The following FLI1 variants were observed in gnomAD, a reference collection of about 807,000 sequenced individuals.
FLI1 encodes Fli-1 proto-oncogene, ETS transcription factor, also known as Friend leukemia integration 1 transcription factor.
FLI1 carries 13 observed loss-of-function variants against 53.1 expected under a neutral mutation model. The observed-to-expected ratio is 0.24, with a 90% CI of 0.16 to 0.39. FLI1 has a LOEUF of 0.39. Ranked by LOEUF, FLI1 falls within the 10% of genes least tolerant of loss-of-function variation. FLI1 has a pLI of 1.00. For missense variants in FLI1, 424 were observed against 600.5 expected (o/e 0.71, Z 3.07); for synonymous variants, 244 against 236.7 (o/e 1.03, Z -0.28).
intron 5 of FLI1, among the ~76,000 whole-genome samples, chr11:128,797,133 G>A (rs3824899): frequency 0.1 from 15,397 of 152,232 alleles, 933 homozygotes; most frequent in East Asian, 0.26. Flanking sequence ...GGGATTTTAC[G>A]TTTCTTGATT....
At chr11:128,786,470 C>T (rs1249410853) in intron 5 of FLI1, among the ~76,000 whole-genome samples, 3 of 152,196 alleles carry the variant, frequency 2.0e-5, no homozygotes, top group Non-Finnish European at 4.4e-5. Flanking sequence ...TGTCCTCATT[C>T]AGTCCTCTAA....
At chr11:128,759,943 C>A (rs1164045055) in intron 2 of FLI1, among the ~76,000 whole-genome samples, 4 of 152,162 alleles carry the variant, frequency 2.6e-5, no homozygotes, top group African/African-American at 9.7e-5. Context: ...TCCTCCAGAG[C>A]AGCTCATGGC....
At chr11:128,707,576 C>G (rs648566) in intron 1 of FLI1, among the ~76,000 whole-genome samples, 62,791 of 151,990 alleles carry the variant, frequency 0.41, 13,153 homozygotes, top group Admixed American at 0.46. Flanking sequence ...TAAGCCATTC[C>G]TTTTGGAGAC....
chr11:128,732,224 A>T (rs1362196843), intron 1 of FLI1, among the ~76,000 whole-genome samples: 1 of 152,210 alleles, frequency 6.6e-6, no homozygotes, highest in Non-Finnish European at 1.5e-5. Flanking sequence ...TCAGCCAATC[A>T]GTACCAGATT....
At chr11:128,686,500 G>T (rs958444185), upstream of FLI1, 22 of 456,462 alleles carry the variant, frequency 4.8e-5, no homozygotes, top group Admixed American at 1.6e-4. Context: ...ACCCTCCCTC[G>T]CCGGACTAGG....
chr11:128,699,884 C>A (rs890583455), intron 1 of FLI1, among the ~76,000 whole-genome samples: 12 of 152,138 alleles, frequency 7.9e-5, no homozygotes, highest in African/African-American at 2.9e-4. Flanking sequence ...ATTGGTGGTA[C>A]CTCAGTCTCA....
intron 2 of FLI1, chr11:128,764,740 C>T (rs372275482): frequency 1.1e-4 from 175 of 1,578,210 alleles, no homozygotes; most frequent in Non-Finnish European, 1.3e-4. Flanking sequence ...CATGGCCGCA[C>T]GCAGGGCTTG....
At chr11:128,696,751 G>A (rs1401480943) in intron 1 of FLI1, among the ~76,000 whole-genome samples, 1 of 152,166 alleles carries the variant, frequency 6.6e-6, no homozygotes, top group Non-Finnish European at 1.5e-5. Flanking sequence ...AATCAGGTTT[G>A]AGTGATTCTA....
In FLI1 at chr11:128,810,943, C is replaced by T. The variant is rs2135926101; in HGVS notation, c.1314C>T (p.Arg438=). 6.2e-7 allele frequency: 1 copy of T among 1,614,040 alleles called. No homozygotes were observed. Among genetic ancestry groups the T allele is most frequent in the Admixed American group, 1.7e-5 (1 of 60,032 alleles). The change falls in exon 9 of 9, where the codon CGC becomes CGT. Residue 438 remains arginine, a synonymous_variant. Transcript: ENST00000527786. This position sits in a 1 kb window ranked among gnomAD's most constrained non-coding sequence, Gnocchi z 6.6. ...TCTACCCCAACCCCAACGTCCCCCGCCATCCTAACACCCACGTGCCTTCAC... is the reference window on the plus strand; with the variant it reads ...TCTACCCCAACCCCAACGTCCCCCGTCATCCTAACACCCACGTGCCTTCAC... ...GGIYPNPNVP[R]HPNTHVPSHL...
intron 1 of FLI1, among the ~76,000 whole-genome samples, chr11:128,697,268 T>TTAGTG (rs1938119429): frequency 6.6e-6 from 1 of 152,230 alleles, no homozygotes; most frequent in African/African-American, 2.4e-5. Context: ...AATGCCTGAC[T>TTAGTG]CAGTGCACGT....
At chr11:128,754,277 G>A (rs938887050) in intron 1 of FLI1, among the ~76,000 whole-genome samples, 1 of 142,746 alleles carries the variant, frequency 7.0e-6, no homozygotes, top group African/African-American at 2.6e-5. Context: ...GTGTGTGTGT[G>A]CACATATGCA....
intron 3 of FLI1, among the ~76,000 whole-genome samples, chr11:128,771,191 C>T (rs1038006604): frequency 1.9e-4 from 29 of 152,218 alleles, no homozygotes; most frequent in Non-Finnish European, 3.7e-4. Context: ...ACATAGCACC[C>T]ACCATCTGAG....
chr11:128,698,097 G>C (rs1487276909), intron 1 of FLI1, among the ~76,000 whole-genome samples: 1 of 152,196 alleles, frequency 6.6e-6, no homozygotes, highest in Non-Finnish European at 1.5e-5. Flanking sequence ...CCCGAAAGAA[G>C]GGCCAGGGTT....
At chr11:128,687,528 T>C (rs1173293311) in intron 1 of FLI1, among the ~76,000 whole-genome samples, 1 of 152,008 alleles carries the variant, frequency 6.6e-6, no homozygotes, top group African/African-American at 2.4e-5. Flanking sequence ...TCCGCAGTGC[T>C]GCAAACACCC....
chr11:128,771,302 C>A (rs906935193), intron 3 of FLI1, among the ~76,000 whole-genome samples: 4 of 152,238 alleles, frequency 2.6e-5, no homozygotes, highest in African/African-American at 7.2e-5. Context: ...TTGCCAGCTC[C>A]TCCACCTTCA....
At chr11:128,738,213 G>A (rs970670449) in intron 1 of FLI1, among the ~76,000 whole-genome samples, 2 of 152,088 alleles carry the variant, frequency 1.3e-5, no homozygotes, top group African/African-American at 2.4e-5. Context: ...CTCAAGACCC[G>A]CTACCTGGGC....
intron 2 of FLI1, among the ~76,000 whole-genome samples, chr11:128,765,654 A>G (rs1490165905): frequency 3.3e-5 from 5 of 152,050 alleles, no homozygotes; most frequent in African/African-American, 9.7e-5. Flanking sequence ...CCGCCTGCCA[A>G]TGAAAACCTT....
At chr11:128,763,193 T>C (rs1201800368) in intron 2 of FLI1, among the ~76,000 whole-genome samples, 2 of 152,206 alleles carry the variant, frequency 1.3e-5, no homozygotes, top group Non-Finnish European at 2.9e-5. Context: ...CACTTGCTTT[T>C]CACCCCAGTA....
chr11:128,723,432 A>T (rs2135739710), intron 1 of FLI1, among the ~76,000 whole-genome samples: 1 of 152,294 alleles, frequency 6.6e-6, no homozygotes, highest in South Asian at 2.1e-4. Context: ...TCAGAAACCC[A>T]AGAAGCATGG....
Sources: allele counts gnomAD v4.1 joint callset (sites outside exome capture counted in the v4.1 genomes callset), GRCh38; gene constraint gnomAD v4.1.1; non-coding constraint Gnocchi (gnomAD v3.1); transcripts MANE v1.5; gene names NCBI Gene and HGNC (gene_info 2026-07-23, HGNC 2026-07-21).